Variants in ALK observed in about 807,000 individuals in gnomAD.
The protein encoded by ALK is ALK tyrosine kinase receptor.
In ALK, 74 loss-of-function variants were observed where a neutral mutation model predicts 163.1. The ratio of observed to expected loss-of-function variants is 0.45; its 90% CI spans 0.38 to 0.55. The LOEUF (loss-of-function observed/expected upper bound fraction) is 0.55, where lower values mean the gene tolerates loss of function less well. ALK is among the 20% of genes least tolerant of loss of function. ALK has a pLI of 0.00. For missense variants in ALK, 2,063 were observed against 2,105.3 expected (o/e 0.98, Z 0.39); for synonymous variants, 960 against 843.2 (o/e 1.14, Z -2.40).
chr2:29,824,593 G>A (rs1558504841), intron 1 of ALK, among the ~76,000 whole-genome samples: 1 of 152,240 alleles, frequency 6.6e-6, no homozygotes, highest in Non-Finnish European at 1.5e-5. Context: ...TCATTTTGGA[G>A]ATTTAAGATT....
chr2:29,669,532 T>C (rs971467118), intron 3 of ALK, among the ~76,000 whole-genome samples: 3 of 152,074 alleles, frequency 2.0e-5, no homozygotes, highest in African/African-American at 7.2e-5. Flanking sequence ...TATAGCTGAA[T>C]TTTATTTCTT....
chr2:29,859,816 G>A (rs1666233792), intron 1 of ALK, among the ~76,000 whole-genome samples: 1 of 152,180 alleles, frequency 6.6e-6, no homozygotes, highest in Non-Finnish European at 1.5e-5. Flanking sequence ...AATGACCAAA[G>A]CAAAGTTGAG....
At chr2:29,291,908 A>G (rs1666034753) in intron 9 of ALK, among the ~76,000 whole-genome samples, 2 of 152,214 alleles carry the variant, frequency 1.3e-5, no homozygotes, top group South Asian at 2.1e-4. Context: ...TGTTATTGAC[A>G]GCATCCCACA....
chr2:29,792,191 T>C (rs1572383006), intron 1 of ALK, among the ~76,000 whole-genome samples: 1 of 152,226 alleles, frequency 6.6e-6, no homozygotes, highest in East Asian at 1.9e-4. Context: ...ACATTAGGTA[T>C]TTTATAAAGC....
chr2:29,722,149 G>T (rs1679439338), intron 1 of ALK, among the ~76,000 whole-genome samples: 1 of 152,124 alleles, frequency 6.6e-6, no homozygotes, highest in Non-Finnish European at 1.5e-5. Flanking sequence ...ATTCTTCTTT[G>T]CCAGGTCTTC....
intron 5 of ALK, among the ~76,000 whole-genome samples, chr2:29,335,637 T>G (rs1667587855): frequency 6.6e-6 from 1 of 152,176 alleles, no homozygotes; most frequent in South Asian, 2.1e-4. Context: ...AATTGTCTTC[T>G]AGGAGAGGCT....
In ALK at chr2:29,694,676, G is replaced by A. The variant is rs142054601; in HGVS notation, c.952+174C>T. On this transcript the variant is annotated intron_variant, in intron 3 of 28. Transcript: ENST00000389048. ...TTGGGCTGATCTTGAGATGGGACTTGTCTTCCTCCCCTCCTTGCATGGCCC... is the reference window on the plus strand; with the variant it reads ...TTGGGCTGATCTTGAGATGGGACTTATCTTCCTCCCCTCCTTGCATGGCCC... Among the ~76,000 whole-genome samples, 944 of 152,298 alleles carry A rather than the reference G, an allele frequency of 6.2e-3. 16 individuals carry two copies. The highest frequency in any genetic ancestry group is 0.021 in the African/African-American group (873 of 41,568).
At chr2:29,308,247 C>A (rs965322041) in intron 8 of ALK, among the ~76,000 whole-genome samples, 38 of 152,014 alleles carry the variant, frequency 2.5e-4, no homozygotes, top group Non-Finnish European at 3.5e-4. Flanking sequence ...TTTATATAAA[C>A]CCTTTCTCTA....
intron 3 of ALK, among the ~76,000 whole-genome samples, chr2:29,587,541 T>G (rs1294422977): frequency 7.3e-6 from 1 of 136,056 alleles, no homozygotes; most frequent in African/African-American, 3.8e-5. Context: ...AACCCTTCTC[T>G]TTTTAGTTCA....
Position 29,910,334 on chromosome 2 carries a change from G to A in ALK, c.667+9659C>T, listed in dbSNP as rs935331385. Among the ~76,000 whole-genome samples the A allele has an allele frequency of 3.3e-5, 5 of 151,992 alleles. No homozygotes were observed. The East Asian group carries it at 9.6e-4, about 29-fold the overall frequency. ...AACTATGCAGACTGAAATACAGAGAGAAAAGGGGCTGAGAAAAAAAATGAA... is the reference window on the plus strand; with the variant it reads ...AACTATGCAGACTGAAATACAGAGAAAAAAGGGGCTGAGAAAAAAAATGAA... On this transcript the variant is annotated intron_variant, in intron 1 of 28. Transcript: ENST00000389048.
chr2:29,639,626 G>T (rs1465143989), intron 3 of ALK, among the ~76,000 whole-genome samples: 1 of 152,160 alleles, frequency 6.6e-6, no homozygotes, highest in Non-Finnish European at 1.5e-5. Flanking sequence ...GCGAGCTATA[G>T]GCTTCTACAG....
chr2:29,786,376 G>A (rs2148354111), intron 1 of ALK, among the ~76,000 whole-genome samples: 1 of 152,294 alleles, frequency 6.6e-6, no homozygotes, highest in Middle Eastern at 3.4e-3. Context: ...TAAAGCCTCT[G>A]CACAGCCATC....
At chr2:29,616,390 T>C (rs1675847991) in intron 3 of ALK, among the ~76,000 whole-genome samples, 1 of 152,104 alleles carries the variant, frequency 6.6e-6, no homozygotes, top group Non-Finnish European at 1.5e-5. Flanking sequence ...AAATTCCCTA[T>C]CTAGGAATTA....
chr2:29,303,600 C>T (rs1004959942), intron 8 of ALK, among the ~76,000 whole-genome samples: 2 of 152,172 alleles, frequency 1.3e-5, no homozygotes, highest in African/African-American at 2.4e-5. Context: ...TACCGCAGCA[C>T]GATTCACAAT....
intron 1 of ALK, among the ~76,000 whole-genome samples, chr2:29,732,307 T>C (rs1422810456): frequency 6.6e-6 from 1 of 152,118 alleles, no homozygotes; most frequent in African/African-American, 2.4e-5. Flanking sequence ...GTAGTCAGAA[T>C]ATGAGAGAGA....
chr2:29,613,765 A>T (rs1453220309), intron 3 of ALK, among the ~76,000 whole-genome samples: 1 of 152,228 alleles, frequency 6.6e-6, no homozygotes, highest in Non-Finnish European at 1.5e-5. Flanking sequence ...GTCTGAACAA[A>T]ATGGCTTTAC....
At chr2:29,547,130 G>T (rs1024717042) in intron 3 of ALK, among the ~76,000 whole-genome samples, 8 of 152,172 alleles carry the variant, frequency 5.3e-5, no homozygotes, top group Non-Finnish European at 8.8e-5. Context: ...GTTCTCAAAG[G>T]TTCTAGAATG....
intron 11 of ALK, among the ~76,000 whole-genome samples, chr2:29,258,994 A>G (rs1665018239): frequency 6.7e-6 from 1 of 149,436 alleles, no homozygotes; most frequent in Non-Finnish European, 1.5e-5. Context: ...TGAAATACAC[A>G]TACATATGTA....
intron 3 of ALK, among the ~76,000 whole-genome samples, chr2:29,655,795 G>A (rs2339532): frequency 0.79 from 120,406 of 152,168 alleles, 48,227 homozygotes; most frequent in African/African-American, 0.92. Context: ...ATAAAGATGT[G>A]TTTCTCTTTT....
Sources: gnomAD v4.1 joint callset for allele counts (sites outside exome capture counted in the v4.1 genomes callset) on GRCh38, gnomAD v4.1.1 for gene constraint, MANE v1.5 for transcripts, NCBI Gene and HGNC (gene_info 2026-07-23, HGNC 2026-07-21) for gene names.